Variants in DIXDC1 observed in about 807,000 individuals in gnomAD.
The protein encoded by DIXDC1 is dixin.
In DIXDC1, 64 loss-of-function variants were observed where a neutral mutation model predicts 103.1. The observed-to-expected ratio is 0.62, with a 90% CI of 0.51 to 0.76. DIXDC1 has a LOEUF of 0.76. DIXDC1 is among the 30% of genes least tolerant of loss of function. The pLI is 0.00. For missense variants in DIXDC1, 759 were observed against 834.2 expected, an observed-to-expected ratio of 0.91 and a Z score of 1.11; for synonymous variants, 266 against 298.5, an observed-to-expected ratio of 0.89 and a Z score of 1.12.
intron 1 of DIXDC1, chr11:111,946,777 C>A (rs1276980435): frequency 1.6e-5 from 8 of 490,010 alleles, no homozygotes; most frequent in South Asian, 3.0e-5. Context: ...TGGTGTTTTC[C>A]CAACCTTCTT....
At chr11:111,986,071 A>G (rs1236380214) in intron 8 of DIXDC1, among the ~76,000 whole-genome samples, 1 of 152,168 alleles carries the variant, frequency 6.6e-6, no homozygotes, top group Non-Finnish European at 1.5e-5. Context: ...CCATTCTCAC[A>G]GCCACTTGAA....
intron 10 of DIXDC1, among the ~76,000 whole-genome samples, chr11:111,990,130 G>A (rs1250685544): frequency 2.9e-5 from 4 of 139,074 alleles, no homozygotes; most frequent in South Asian, 4.6e-4. Context: ...TCACTCTGTC[G>A]CCCAAGCTGG....
chr11:111,995,780 C>G (rs1314849692), intron 16 of DIXDC1, among the ~76,000 whole-genome samples: 5 of 152,166 alleles, frequency 3.3e-5, no homozygotes, highest in Non-Finnish European at 7.3e-5. Context: ...CTCCCAGCAA[C>G]TGTAGCTGTG....
intron 18 of DIXDC1, 103 bp downstream of exon 18, chr11:112,016,899 G>GTATAGTGAGATCTCAC (rs1861607405): frequency 4.2e-6 from 4 of 956,596 alleles, no homozygotes; most frequent in African/African-American, 3.4e-5. Flanking sequence ...TTGAGAAGCA[G>GTATAGTGAGATCTCAC]TATAGTGAGA....
chr11:111,960,414 T>C (rs1221920664), intron 1 of DIXDC1, among the ~76,000 whole-genome samples: 1 of 150,076 alleles, frequency 6.7e-6, no homozygotes. Flanking sequence ...GCTAACATGG[T>C]GAAACCCCAT....
chr11:111,995,025 A>C lies in DIXDC1; in HGVS notation c.1444A>C (p.Asn482His). 1 of 1,613,572 alleles carries C rather than the reference A, an allele frequency of 6.2e-7. No individual in the cohort carries two copies. The highest frequency in any genetic ancestry group is 8.5e-7 in the Non-Finnish European group (1 of 1,179,850). The change falls in exon 15 of 20, where the codon AAC becomes CAC. Residue 482 changes from asparagine to histidine, a missense_variant. By Grantham distance (68) the Asn-to-His change is moderately conservative (BLOSUM62 1). Around this residue, in one of 3 missense-constraint regions of DIXDC1, gnomAD observed 657 missense variants for 727.5 expected, o/e 0.90. Transcript: ENST00000440460. The part of the protein sequence containing the change: ...CMKREADEAT[N>H]YNSHNSQSNG... ...TTTCTTCATGCTGCTGTAGGCGACC[A>C]ACTACAACAGTCACAACTCTCAAAG...
intron 1 of DIXDC1, among the ~76,000 whole-genome samples, chr11:111,944,019 C>T (rs1409185587): frequency 2.0e-5 from 3 of 152,130 alleles, no homozygotes; most frequent in Non-Finnish European, 4.4e-5. Context: ...CAGTAAAGGG[C>T]TGAAAGAGTT....
rs1555168293 is a variant in DIXDC1, at chr11:111,937,473, C to A, written c.-27C>A. On this transcript the variant is annotated 5_prime_UTR_variant, in exon 1 of 20. Transcript: ENST00000440460. ...GGCGGCGGCCGCCGGGCTGGAGACCCCGCCCGGGGAGCCCCCAGCAGGAAC... is the reference window on the plus strand; with the variant it reads ...GGCGGCGGCCGCCGGGCTGGAGACCACGCCCGGGGAGCCCCCAGCAGGAAC... 6 of 1,566,284 alleles carry A rather than the reference C, an allele frequency of 3.8e-6. No individual in the cohort carries two copies. In the South Asian group the frequency reaches 7.1e-5, roughly 18 times the overall value.
At chr11:111,971,729 T>TCTATAA (rs1191299479) in intron 3 of DIXDC1, among the ~76,000 whole-genome samples, 1 of 142,236 alleles carries the variant, frequency 7.0e-6, no homozygotes, top group Non-Finnish European at 1.5e-5. Context: ...GGTGTGTATA[T>TCTATAA]CTATATCTAT....
At chr11:111,965,968 T>C (rs1179303466) in intron 2 of DIXDC1, among the ~76,000 whole-genome samples, 1 of 152,162 alleles carries the variant, frequency 6.6e-6, no homozygotes, top group Admixed American at 6.5e-5. Context: ...AGGTTATACA[T>C]GGACTAGTAG....
At chr11:111,933,396 A>G (rs1555167837), upstream of DIXDC1, among the ~76,000 whole-genome samples, 3 of 152,028 alleles carry the variant, frequency 2.0e-5, no homozygotes, top group African/African-American at 2.4e-5. Flanking sequence ...TGGCCTTCCA[A>G]TATACTGGGA....
At chr11:111,930,844 CTTTCCTT>C (rs1965988131) in intron 2 of DIXDC1, among the ~76,000 whole-genome samples, 12 of 134,358 alleles carry the variant, frequency 8.9e-5, no homozygotes, top group African/African-American at 3.5e-4. Context: ...TTCTTTCTTT[CTTTCCTT>C]TTTTTTTTTT....
intron 17 of DIXDC1, among the ~76,000 whole-genome samples, chr11:112,015,799 CTTTTTTTTTTTTT>C (rs782121271): frequency 2.1e-5 from 1 of 47,034 alleles, no homozygotes; most frequent in African/African-American, 8.9e-5. Context: ...GAGACCCTGT[CTTTTTTTTTTTTT>C]TTTTTTTTTT....
chr11:111,943,787 A>G (rs587602092), intron 1 of DIXDC1, among the ~76,000 whole-genome samples: 1 of 152,310 alleles, frequency 6.6e-6, no homozygotes, highest in East Asian at 1.9e-4. Context: ...GGCATGAGCC[A>G]CTGCGCCTGG....
At chr11:111,938,746 C>T (rs1451592038) in intron 1 of DIXDC1, among the ~76,000 whole-genome samples, 1 of 152,176 alleles carries the variant, frequency 6.6e-6, no homozygotes, top group Non-Finnish European at 1.5e-5. Context: ...GGTCTGGCCC[C>T]CGTGCCCTAG....
chr11:111,995,735 T>G (rs1184490173), intron 16 of DIXDC1, among the ~76,000 whole-genome samples, 171 bp downstream of exon 16: 1 of 152,104 alleles, frequency 6.6e-6, no homozygotes, highest in Non-Finnish European at 1.5e-5. Context: ...CATCATGGTA[T>G]GACAATCCAG....
intron 2 of DIXDC1, among the ~76,000 whole-genome samples, chr11:111,967,038 C>T (rs999956283): frequency 6.6e-6 from 1 of 152,186 alleles, no homozygotes; most frequent in Admixed American, 6.5e-5. Flanking sequence ...TAGTTTTCTT[C>T]CTTCCTCTCA....
intron 4 of DIXDC1, 162 bp downstream of exon 4, chr11:111,974,416 C>G (rs1419166463): frequency 9.1e-6 from 6 of 657,646 alleles, no homozygotes; most frequent in African/African-American, 5.4e-5. Context: ...AAGAGAAAAG[C>G]CTTTTCTTCT....
At chr11:111,940,571 T>A (rs981763106) in intron 1 of DIXDC1, among the ~76,000 whole-genome samples, 4 of 152,200 alleles carry the variant, frequency 2.6e-5, no homozygotes. Context: ...ACTTTGGTGC[T>A]TGTGTTGGGA....
Sources: gnomAD v4.1 joint callset for allele counts (sites outside exome capture counted in the v4.1 genomes callset) on GRCh38, gnomAD v4.1.1 for gene constraint, gnomAD v4.1.1 regional missense constraint, MANE v1.5 for transcripts, NCBI Gene and HGNC (gene_info 2026-07-23, HGNC 2026-07-21) for gene names.